Variants in COL5A1 observed in about 807,000 individuals in gnomAD.
The protein encoded by COL5A1 is collagen alpha-1(V) chain.
In COL5A1, 16 loss-of-function variants were observed where a neutral mutation model predicts 263.7. The ratio of observed to expected loss-of-function variants is 0.06; its 90% CI spans 0.04 to 0.09. The LOEUF is 0.09. Ranked by LOEUF, COL5A1 falls within the 10% of genes least tolerant of loss-of-function variation. COL5A1 has a pLI of 1.00. For missense variants in COL5A1, 2,036 were observed against 2,540.5 expected (o/e 0.80, Z 4.27); for synonymous variants, 1,012 against 1,004.5 (o/e 1.01, Z -0.14).
chr9:134,683,356 C>G (rs1832917356), intron 1 of COL5A1, among the ~76,000 whole-genome samples: 1 of 152,168 alleles, frequency 6.6e-6, no homozygotes, highest in Non-Finnish European at 1.5e-5. Flanking sequence ...ATCACCATTC[C>G]TCCCTGGGGA....
In COL5A1 at chr9:134,772,634, G is replaced by C. The variant is rs540898820; in HGVS notation, c.2287-156G>C. Among the ~76,000 whole-genome samples, 5 of 152,382 alleles carry C rather than the reference G, an allele frequency of 3.3e-5. No homozygotes were observed. The East Asian group carries it at 9.7e-4, about 29-fold the overall frequency. On this transcript the variant is annotated intron_variant, in intron 25 of 65. Coordinates refer to ENST00000371817, the MANE Select transcript of COL5A1 (RefSeq NM_000093.5). ...CGGGGAGGCCGGGCTGTGCTTGGCT[G>C]CCTGGCCAGCTGCCTTCGACTTCTG... is the stretch of plus-strand genomic sequence containing the variant.
intron 1 of COL5A1, among the ~76,000 whole-genome samples, chr9:134,672,631 G>A (rs908820072): frequency 1.4e-4 from 21 of 152,164 alleles, no homozygotes; most frequent in Admixed American, 3.3e-4. Context: ...ACGTCTGCTC[G>A]TATCACACCT....
Position 134,642,504 on chromosome 9 carries a change from C to T in COL5A1, c.109+208C>T, listed in dbSNP as rs982187631. ...CGCGGGCGCGCCGCCGCCCCCTCCC[C>T]AGACGGGCGGGTCGGGTGGGGCTGT... On this transcript the variant is annotated intron_variant, in intron 1 of 65. Coordinates refer to ENST00000371817, the MANE Select transcript of COL5A1 (RefSeq NM_000093.5). The surrounding 1 kb of genome is among the most constrained non-coding windows in gnomAD (Gnocchi z 4.5). 2.0e-5 allele frequency among the ~76,000 whole-genome samples: 3 copies of T among 151,372 alleles called. No individual in the cohort carries two copies. Among genetic ancestry groups the T allele is most frequent in the Non-Finnish European group, 3.0e-5 (2 of 67,616 alleles).
chr9:134,808,852 C>T (rs1294071113), intron 42 of COL5A1: 1 of 414,498 alleles, frequency 2.4e-6, no homozygotes, highest in Non-Finnish European at 4.5e-6. Context: ...CTTAGACAAT[C>T]CACATACAGG....
At chr9:134,753,817 G>C in intron 14 of COL5A1, 33 bp from the exon 15 acceptor site, 1 of 1,377,128 alleles carries the variant, frequency 7.3e-7, no homozygotes, top group Non-Finnish European at 9.8e-7. Context: ...TCCCCACCTC[G>C]AGCAGACATT....
chr9:134,764,707 AG>A (rs1356540328), intron 20 of COL5A1, among the ~76,000 whole-genome samples: 1 of 152,166 alleles, frequency 6.6e-6, no homozygotes, highest in Non-Finnish European at 1.5e-5. Context: ...TAGAGGAGGC[AG>A]GGGTCGGTGC....
intron 1 of COL5A1, among the ~76,000 whole-genome samples, chr9:134,689,108 C>T (rs1055920734): frequency 6.6e-6 from 1 of 152,194 alleles, no homozygotes; most frequent in African/African-American, 2.4e-5. Context: ...CTGGGTGCTC[C>T]TCTTGCTGAG....
chr9:134,824,892 C>A, intron 62 of COL5A1, 37 bp downstream of exon 62: 1 of 1,585,972 alleles, frequency 6.3e-7, no homozygotes, highest in Non-Finnish European at 8.6e-7. Context: ...CCCCCCAAAG[C>A]GGGCATGGAC....
Position 134,680,312 on chromosome 9 carries a change from T to G in COL5A1, c.110-10600T>G, listed in dbSNP as rs1564382680. ...AACACTGCGGGTCGGTGCACAGGTG[T>G]CTGGATGTGGACTTAGCTCAGTCCT... On this transcript the variant is annotated intron_variant, in intron 1 of 65. Coordinates refer to ENST00000371817, the MANE Select transcript of COL5A1 (RefSeq NM_000093.5). The surrounding 1 kb of genome is among the most constrained non-coding windows in gnomAD (Gnocchi z 5.9). Among the ~76,000 whole-genome samples the G allele has an allele frequency of 6.6e-6, 1 of 152,048 alleles. No individual in the cohort carries two copies. Among genetic ancestry groups the G allele is most frequent in the East Asian group, 1.9e-4 (1 of 5,190 alleles).
rs879440722 is a variant in COL5A1 at position 134,652,370 on chromosome 9, C to T, written c.109+10074C>T. Among the ~76,000 whole-genome samples the T allele has an allele frequency of 6.6e-6, 1 of 151,016 alleles. No individual in the cohort carries two copies. Among genetic ancestry groups the T allele is most frequent in the Non-Finnish European group, 1.5e-5 (1 of 67,740 alleles). ...TCTGCTGGGTGGGGCAAGGAGATGC[C>T]CCAGGTGGAGCCATCGGGAGAGGGA... is the stretch of plus-strand genomic sequence containing the variant. On this transcript the variant is annotated intron_variant, in intron 1 of 65. Coordinates refer to ENST00000371817, the MANE Select transcript of COL5A1 (RefSeq NM_000093.5). This position sits in a 1 kb window ranked among gnomAD's most constrained non-coding sequence, Gnocchi z 4.4.
In COL5A1 at chr9:134,765,464, C is replaced by T. The variant is rs548589671; in HGVS notation, c.2035-217C>T. On this transcript the variant is annotated intron_variant, in intron 20 of 65. Coordinates refer to ENST00000371817, the MANE Select transcript of COL5A1 (RefSeq NM_000093.5). This position sits in a 1 kb window ranked among gnomAD's most constrained non-coding sequence, Gnocchi z 5.1. ...TGTCCTCTCTGAGTTCTCACCAATT[C>T]CAGACACCTGCCCCTGGTTCCCAAC... Among the ~76,000 whole-genome samples the T allele has an allele frequency of 2.2e-4, 34 of 152,216 alleles. No homozygotes were observed. The South Asian group carries it at 7.1e-3, about 32-fold the overall frequency.
chr9:134,832,059 G>A (rs1239957152), intron 64 of COL5A1, among the ~76,000 whole-genome samples: 3 of 152,110 alleles, frequency 2.0e-5, no homozygotes, highest in African/African-American at 4.8e-5. Context: ...GAGCCCAGGA[G>A]TTTGAGACCA....
chr9:134,737,802 G>A (rs1377371174), intron 9 of COL5A1, among the ~76,000 whole-genome samples: 2 of 152,188 alleles, frequency 1.3e-5, no homozygotes, highest in East Asian at 3.9e-4. Context: ...TGTCCCCATT[G>A]GGGTTAGAGT....
intron 50 of COL5A1, 123 bp from the exon 51 acceptor site, chr9:134,815,453 C>T (rs1417808864): frequency 2.0e-6 from 2 of 985,824 alleles, no homozygotes; most frequent in African/African-American, 3.2e-5. Flanking sequence ...GTCGGAACTG[C>T]TGGAAAGTCT....
At chr9:134,684,831 C>G (rs963476189) in intron 1 of COL5A1, among the ~76,000 whole-genome samples, 1 of 152,214 alleles carries the variant, frequency 6.6e-6, no homozygotes, top group Non-Finnish European at 1.5e-5. Flanking sequence ...CCCTATACCT[C>G]CTGATTTTCA....
intron 1 of COL5A1, among the ~76,000 whole-genome samples, chr9:134,667,156 T>G (rs1832384856): frequency 6.6e-6 from 1 of 152,184 alleles, no homozygotes; most frequent in African/African-American, 2.4e-5. Flanking sequence ...TATGGTGACT[T>G]TCCCAGCACA....
At chr9:134,753,686 T>C (rs1389808015) in intron 14 of COL5A1, among the ~76,000 whole-genome samples, 164 bp from the exon 15 acceptor site, 3 of 152,210 alleles carry the variant, frequency 2.0e-5, no homozygotes, top group African/African-American at 4.8e-5. Context: ...GTCATCGTTC[T>C]TCCCCCCGGT....
At chr9:134,772,415 C>T (rs1836894342) in intron 25 of COL5A1, among the ~76,000 whole-genome samples, 1 of 152,248 alleles carries the variant, frequency 6.6e-6, no homozygotes, top group African/African-American at 2.4e-5. Context: ...ACTCGTGGGT[C>T]ACTGGTCTGT....
intron 17 of COL5A1, 48 bp downstream of exon 17, chr9:134,756,866 T>C: frequency 6.4e-7 from 1 of 1,574,310 alleles, no homozygotes; most frequent in Non-Finnish European, 8.7e-7. Context: ...CTGTCATCCC[T>C]GGGGTCATGT....
Sources: gnomAD v4.1 joint callset for allele counts (sites outside exome capture counted in the v4.1 genomes callset) on GRCh38, gnomAD v4.1.1 for gene constraint, Gnocchi (gnomAD v3.1) non-coding constraint, MANE v1.5 for transcripts, NCBI Gene and HGNC (gene_info 2026-07-23, HGNC 2026-07-21) for gene names.